Variants in TAOK2 observed in about 807,000 individuals in gnomAD.
TAOK2 encodes serine/threonine-protein kinase TAO2.
A neutral mutation model predicts 122.5 loss-of-function variants in TAOK2; 42 were observed. The ratio of observed to expected loss-of-function variants is 0.34; its 90% confidence interval spans 0.27 to 0.44. The LOEUF is 0.44. Ranked by LOEUF, TAOK2 falls within the 20% of genes least tolerant of loss-of-function variation. TAOK2 has a pLI of 1.00. For missense variants in TAOK2, 1,264 were observed against 1,644.9 expected (o/e 0.77, Z 4.01); for synonymous variants, 704 against 677.6 (o/e 1.04, Z -0.61).
rs765388827 is a variant in TAOK2, at chr16:29,987,791, C to T, written c.3519C>T (p.Pro1173=). The change falls in exon 16 of 16, where the codon CCC becomes CCT. Residue 1173 remains proline, a synonymous_variant. Coordinates refer to ENST00000308893, the MANE Select transcript of TAOK2 (RefSeq NM_016151.4). ...GCCAGGGTTTAGCATCCCACTTGCC[C>T]CCGTGGGCCATCCACACACTGGCCA... The part of the protein sequence containing the change: ...RASQGLASHL[P]PWAIHTLASW... 2 of 1,613,862 alleles carry T rather than the reference C, an allele frequency of 1.2e-6. No homozygotes were observed. Among genetic ancestry groups the T allele is most frequent in the Non-Finnish European group, 1.7e-6 (2 of 1,179,892 alleles).
downstream of TAOK2, chr16:29,991,193 T>C (rs146062706): frequency 1.2e-4 from 186 of 1,611,118 alleles, no homozygotes; most frequent in African/African-American, 2.4e-3. The surrounding 1 kb of genome is among the most constrained non-coding windows in gnomAD (Gnocchi z 5.6). Context: ...GCATCCCGGC[T>C]GAAGCTGCTG....
Position 29,986,840 on chromosome 16 carries a change from C to T in TAOK2, c.2568C>T (p.Pro856=). The change falls in exon 16 of 16, where the codon CCC becomes CCT. Residue 856 remains proline, a synonymous_variant. Coordinates refer to ENST00000308893, the MANE Select transcript of TAOK2 (RefSeq NM_016151.4). The surrounding 1 kb of genome is among the most constrained non-coding windows in gnomAD (Gnocchi z 4.2). The part of the protein sequence containing the change: ...IEELRVPSLV[P]QERSIVGQEE... ...AGCTTAGGGTGCCCTCCCTTGTACCCCAGGAGAGGAGCATTGTTGGCCAGG... is the reference window on the plus strand; with the variant it reads ...AGCTTAGGGTGCCCTCCCTTGTACCTCAGGAGAGGAGCATTGTTGGCCAGG... 6.2e-7 allele frequency: 1 copy of T among 1,613,932 alleles called. No individual in the cohort carries two copies. Among genetic ancestry groups the T allele is most frequent in the Non-Finnish European group, 8.5e-7 (1 of 1,179,938 alleles).
chr16:29,979,055 A>G lies in TAOK2; in HGVS notation c.434A>G (p.His145Arg). Residue 145 changes from histidine (H) to arginine (R), a missense_variant, in exon 6 of 16, where the codon CAC (histidine) becomes CGC (arginine). Around this residue, in one of 4 missense-constraint regions of TAOK2, gnomAD observed 254 missense variants for 503.8 expected, o/e 0.50. Transcript: ENST00000308893. The surrounding 1 kb of genome is among the most constrained non-coding windows in gnomAD (Gnocchi z 4.1). ...ALQGLAYLHS[H>R]NMIHRDVKAG... ...CAGGGCCTGGCATATCTGCACTCCC[A>G]CAACATGATCCATAGGTACAAGCAG... is the stretch of plus-strand genomic sequence containing the variant. 6.2e-7 allele frequency: 1 copy of G among 1,614,166 alleles called. No individual in the cohort carries two copies. Among genetic ancestry groups the G allele is most frequent in the African/African-American group, 1.3e-5 (1 of 75,036 alleles).
At position 29,986,324 on chromosome 16, in the gene TAOK2, C is replaced by T. The variant is rs767633804; in HGVS notation, c.2052C>T (p.His684=). The T allele has an allele frequency of 1.7e-5, 27 of 1,566,844 alleles. No individual in the cohort carries two copies. Among genetic ancestry groups the T allele is most frequent in the Non-Finnish European group, 2.0e-5 (23 of 1,154,660 alleles). The change falls in exon 16 of 16, where the codon CAC becomes CAT. Residue 684 remains histidine (H), a synonymous_variant. Transcript: ENST00000308893. This position sits in a 1 kb window ranked among gnomAD's most constrained non-coding sequence, Gnocchi z 4.2. ...DLECALLLRQ[H]EATRELELRQ... is the part of the protein sequence containing the mutation. ...AGTGTGCACTGCTGCTTCGGCAGCA[C>T]GAGGCCACGCGGGAGCTGGAGCTGC...
In TAOK2 at chr16:29,986,836, T is replaced by G; in HGVS notation, c.2564T>G (p.Val855Gly). The change falls in exon 16 of 16, where the codon GTA (valine) becomes GGA (glycine). Residue 855 changes from valine (V) to glycine (G), a missense_variant. By Grantham distance (109) the Val-to-Gly change is moderately radical. Coordinates refer to ENST00000308893, the MANE Select transcript of TAOK2 (RefSeq NM_016151.4). This position sits in a 1 kb window ranked among gnomAD's most constrained non-coding sequence, Gnocchi z 4.2. Reference sequence around the variant, plus strand: ...GAGGAGCTTAGGGTGCCCTCCCTTGTACCCCAGGAGAGGAGCATTGTTGGC... The same window carrying G: ...GAGGAGCTTAGGGTGCCCTCCCTTGGACCCCAGGAGAGGAGCATTGTTGGC... Reference protein sequence around the residue: ...EIEELRVPSLVPQERSIVGQE... With the variant: ...EIEELRVPSLGPQERSIVGQE... 2 of 1,613,990 alleles carry G rather than the reference T, an allele frequency of 1.2e-6. No homozygotes were observed. The highest frequency in any genetic ancestry group is 1.7e-6 in the Non-Finnish European group (2 of 1,179,952).
chr16:29,988,481 T>A (rs1382275726), downstream of TAOK2: 1 of 1,212,242 alleles, frequency 8.2e-7, no homozygotes, highest in African/African-American at 1.6e-5. Context: ...TCGGCCCGGC[T>A]CCATGACCTC....
At position 29,985,515 on chromosome 16, in the gene TAOK2, G is replaced by A. The variant is rs781542647; in HGVS notation, c.1725G>A (p.Glu575=). 6 of 1,611,104 alleles carry A rather than the reference G, an allele frequency of 3.7e-6. No individual in the cohort carries two copies. The South Asian group carries it at 4.4e-5, about 12-fold the overall frequency. The change falls in exon 14 of 16, where the codon GAG becomes GAA. Residue 575 remains glutamate (E), a synonymous_variant. Coordinates refer to ENST00000308893, the MANE Select transcript of TAOK2 (RefSeq NM_016151.4). The surrounding 1 kb of genome is among the most constrained non-coding windows in gnomAD (Gnocchi z 6.9). ...QQHILGQQKK[E]LAALLEAQKR... is the part of the protein sequence containing the mutation. ...ACATCCTTGGGCAGCAGAAGAAGGA[G>A]CTGGCTGCCCTGCTGGAGGCACAGA... is the stretch of plus-strand genomic sequence containing the variant.
downstream of TAOK2, chr16:29,991,583 G>A (rs1050781825): frequency 1.4e-6 from 2 of 1,456,712 alleles, no homozygotes; most frequent in Non-Finnish European, 1.8e-6. The surrounding 1 kb of genome is among the most constrained non-coding windows in gnomAD (Gnocchi z 5.6). Context: ...CAGCGGGGAG[G>A]AGCAGATGAG....
rs2069867087 is a variant in TAOK2 at position 29,987,956 on chromosome 16, C to G, written c.3684C>G (p.Ser1228=). ...LAGRRSRTRQ[S]RALPPWR is the part of the protein sequence containing the mutation. Reference sequence around the variant, plus strand: ...GGCGGAGGTCACGCACCCGCCAGTCCCGGGCCCTGCCCCCCTGGAGGTAGC... The same window carrying G: ...GGCGGAGGTCACGCACCCGCCAGTCGCGGGCCCTGCCCCCCTGGAGGTAGC... Residue 1228 remains serine, a synonymous_variant, in exon 16 of 16, where the codon TCC becomes TCG. Coordinates refer to ENST00000308893, the MANE Select transcript of TAOK2 (RefSeq NM_016151.4). The G allele has an allele frequency of 6.5e-7, 1 of 1,542,724 alleles. No homozygotes were observed. The highest frequency in any genetic ancestry group is 8.7e-7 in the Non-Finnish European group (1 of 1,149,528).
chr16:29,991,094 C>A, downstream of TAOK2: 2 of 1,593,232 alleles, frequency 1.3e-6, no homozygotes, highest in Non-Finnish European at 8.6e-7. This position sits in a 1 kb window ranked among gnomAD's most constrained non-coding sequence, Gnocchi z 5.6. Flanking sequence ...CCGAGCGAAT[C>A]CGCAGTCTGC....
chr16:29,984,291 C>G (rs1434790872), intron 13 of TAOK2, among the ~76,000 whole-genome samples: 1 of 152,232 alleles, frequency 6.6e-6, no homozygotes, highest in Non-Finnish European at 1.5e-5. Context: ...GCCCCAGTGC[C>G]TTTGGTGGCT....
rs2069371273 is a variant in TAOK2 at position 29,973,883 on chromosome 16, G to C, written c.-801G>C. 6.6e-6 allele frequency: 1 copy of C among 152,280 alleles called. No individual in the cohort carries two copies. The allele number at this position is 152,280 out of a possible 1,614,324, so 9.4% of individuals were successfully genotyped here. A position where few individuals can be genotyped will look rare whatever the true frequency, so the allele number is the denominator to read the frequency against. On this transcript the variant is annotated 5_prime_UTR_variant, in exon 1 of 16. Transcript: ENST00000308893. ...CCCGCCCGGTCTCCATCTTGGAATT[G>C]GGAGGAAGAGGGAGAGGGAGACCGG...
At position 29,986,520 on chromosome 16, in the gene TAOK2, C is replaced by G; in HGVS notation, c.2248C>G (p.Arg750Gly). Residue 750 changes from arginine to glycine, a missense_variant, in exon 16 of 16, where the codon CGC (arginine) becomes GGC (glycine). This residue lies in a region of TAOK2 where 824 missense variants were observed against 908.7 expected (regional missense o/e 0.91). Coordinates refer to ENST00000308893, the MANE Select transcript of TAOK2 (RefSeq NM_016151.4). The surrounding 1 kb of genome is among the most constrained non-coding windows in gnomAD (Gnocchi z 4.2). ...PKSLKVRAGQ[R>G]PPGLPLPIPG... ...GAGCCTCAAAGTACGTGCAGGCCAG[C>G]GCCCCCCGGGCCTTCCACTCCCCAT... The G allele has an allele frequency of 6.2e-7, 1 of 1,611,548 alleles. No individual in the cohort carries two copies. The highest frequency in any genetic ancestry group is 8.5e-7 in the Non-Finnish European group (1 of 1,178,772).
At chr16:29,978,194 A>G (rs1435448427) in intron 3 of TAOK2, 34 bp downstream of exon 3, 5 of 1,614,040 alleles carry the variant, frequency 3.1e-6, no homozygotes, top group Non-Finnish European at 4.2e-6. Flanking sequence ...GGTTGGGGAC[A>G]GGGGACTCCT....
chr16:29,985,330 A>C lies in TAOK2; in HGVS notation c.1540A>C (p.Arg514=). 1 of 1,611,154 alleles carries C rather than the reference A, an allele frequency of 6.2e-7. No individual in the cohort carries two copies. The highest frequency in any genetic ancestry group is 8.5e-7 in the Non-Finnish European group (1 of 1,178,146). The part of the protein sequence containing the change: ...KQLLALESRL[R]GEREEHSARL... ...GCTGCTGGCCCTGGAGTCACGGCTGAGGGGTGAACGGGAGGAGCACAGTGC... is the reference window on the plus strand; with the variant it reads ...GCTGCTGGCCCTGGAGTCACGGCTGCGGGGTGAACGGGAGGAGCACAGTGC... The change falls in exon 14 of 16, where the codon AGG becomes CGG. Residue 514 remains arginine (R), a synonymous_variant. Coordinates refer to ENST00000308893, the MANE Select transcript of TAOK2 (RefSeq NM_016151.4). This position sits in a 1 kb window ranked among gnomAD's most constrained non-coding sequence, Gnocchi z 6.9.
chr16:29,988,498 C>G, downstream of TAOK2: 1 of 1,193,944 alleles, frequency 8.4e-7, no homozygotes, highest in Non-Finnish European at 1.1e-6. Flanking sequence ...CCTCTTCACC[C>G]CATCTCCGTT....
Position 29,986,738 on chromosome 16 carries a change from A to G in TAOK2, c.2466A>G (p.Gly822=). 1 of 1,614,032 alleles carries G rather than the reference A, an allele frequency of 6.2e-7. No individual in the cohort carries two copies. The highest frequency in any genetic ancestry group is 8.5e-7 in the Non-Finnish European group (1 of 1,179,980). ...KQQRILGEES[G]APSPSPQKHG... is the part of the protein sequence containing the mutation. ...AGAGGATTCTGGGGGAAGAATCAGG[A>G]GCCCCTAGTCCCAGTCCACAAAAAC... is the stretch of plus-strand genomic sequence containing the variant. The change falls in exon 16 of 16, where the codon GGA becomes GGG. Residue 822 remains glycine, a synonymous_variant. Coordinates refer to ENST00000308893, the MANE Select transcript of TAOK2 (RefSeq NM_016151.4). The surrounding 1 kb of genome is among the most constrained non-coding windows in gnomAD (Gnocchi z 4.2).
chr16:29,982,350 G>A (rs1567242320), intron 10 of TAOK2, among the ~76,000 whole-genome samples: 1 of 152,166 alleles, frequency 6.6e-6, no homozygotes, highest in African/African-American at 2.4e-5. Flanking sequence ...CAGACCCATG[G>A]GGGCCTGAGG....
Position 29,987,765 on chromosome 16 carries a change from A to G in TAOK2, c.3493A>G (p.Ser1165Gly), listed in dbSNP as rs1402619693. The G allele has an allele frequency of 6.2e-7, 1 of 1,614,014 alleles. No homozygotes were observed. Among genetic ancestry groups the G allele is most frequent in the Non-Finnish European group, 8.5e-7 (1 of 1,179,924 alleles). The change falls in exon 16 of 16, where the codon AGC (serine) becomes GGC (glycine). Residue 1165 changes from serine to glycine, a missense_variant. Transcript: ENST00000308893. Reference protein sequence around the residue: ...KGWNWRLARASQGLASHLPPW... With the variant: ...KGWNWRLARAGQGLASHLPPW... ...CTGGAACTGGCGTCTGGCACGGGCCAGCCAGGGTTTAGCATCCCACTTGCC... is the reference window on the plus strand; with the variant it reads ...CTGGAACTGGCGTCTGGCACGGGCCGGCCAGGGTTTAGCATCCCACTTGCC...
Sources: allele counts gnomAD v4.1 joint callset (sites outside exome capture counted in the v4.1 genomes callset), GRCh38; gene constraint gnomAD v4.1.1; regional missense constraint gnomAD v4.1.1; non-coding constraint Gnocchi (gnomAD v3.1); transcripts MANE v1.5; gene names NCBI Gene and HGNC (gene_info 2026-07-23, HGNC 2026-07-21).